Variants in CNTN6 observed in about 807,000 individuals in gnomAD.
The protein encoded by CNTN6 is contactin-6.
CNTN6 carries 137 observed loss-of-function variants against 122.8 expected under a neutral mutation model. That is an observed-to-expected ratio of 1.12 (90% CI 0.97 to 1.29). CNTN6 has a LOEUF of 1.29. CNTN6 is among the 50% of genes most tolerant of loss of function. The pLI is 0.00. For synonymous variants in CNTN6, 570 were observed against 426.0 expected, an observed-to-expected ratio of 1.34 and a Z score of -4.16; for missense variants, 1,634 against 1,223.4, an observed-to-expected ratio of 1.34 and a Z score of -5.01.
chr3:1,093,527 C>CTT (rs753856056), intron 1 of CNTN6, among the ~76,000 whole-genome samples: 2 of 132,492 alleles, frequency 1.5e-5, no homozygotes, highest in East Asian at 4.4e-4. Flanking sequence ...TGTTTTTTGT[C>CTT]TTTTTTTTTT....
At chr3:1,271,461 T>C (rs1267713428) in intron 4 of CNTN6, among the ~76,000 whole-genome samples, 1 of 152,170 alleles carries the variant, frequency 6.6e-6, no homozygotes, top group Non-Finnish European at 1.5e-5. Flanking sequence ...CATATGAATA[T>C]ATCAGTAAGG....
intron 5 of CNTN6, among the ~76,000 whole-genome samples, chr3:1,291,486 G>C (rs1262724994): frequency 6.6e-6 from 1 of 152,170 alleles, no homozygotes; most frequent in Non-Finnish European, 1.5e-5. Flanking sequence ...TGAAAGGGGT[G>C]ACATTGGATT....
chr3:1,295,451 A>G (rs1696046121), intron 5 of CNTN6, 150 bp from the exon 6 acceptor site: 7 of 617,240 alleles, frequency 1.1e-5, no homozygotes, highest in South Asian at 1.0e-4. Flanking sequence ...GAATATTACA[A>G]TTACACCAGA....
chr3:1,280,895 T>C (rs1299475828), intron 5 of CNTN6, among the ~76,000 whole-genome samples: 5 of 152,154 alleles, frequency 3.3e-5, no homozygotes, highest in African/African-American at 1.2e-4. Flanking sequence ...TCTCAACTTG[T>C]AGAGGCTGCT....
intron 4 of CNTN6, among the ~76,000 whole-genome samples, chr3:1,230,707 T>C (rs765533011): frequency 3.1e-4 from 47 of 152,322 alleles, no homozygotes; most frequent in Non-Finnish European, 5.4e-4. Context: ...TCTTAAAGTA[T>C]GTTGTTAGAG....
At chr3:1,128,596 G>A (rs2092244242) in intron 1 of CNTN6, among the ~76,000 whole-genome samples, 1 of 151,996 alleles carries the variant, frequency 6.6e-6, no homozygotes, top group African/African-American at 2.4e-5. Context: ...AGAGAAGCCT[G>A]GAGTGATGGG....
In CNTN6 at chr3:1,377,058, C is replaced by G. The variant is rs975477346; in HGVS notation, c.2149C>G (p.Leu717Val). ...TGGAGGTGGAGGAAGTCGGTCTGAA[C>G]TCGTCATTACGTGGGAGGTAATTTT... The part of the protein sequence containing the change: ...IHGGGGSRSE[L>V]VITWESIPEE... Residue 717 changes from leucine (L) to valine (V), a missense_variant, in exon 17 of 23, where the codon CTC (leucine) becomes GTC (valine). Transcript: ENST00000446702. 1 of 1,600,132 alleles carries G rather than the reference C, an allele frequency of 6.2e-7. No homozygotes were observed.
chr3:1,216,929 C>G (rs1337370864), intron 2 of CNTN6, among the ~76,000 whole-genome samples: 2 of 152,114 alleles, frequency 1.3e-5, no homozygotes, highest in Non-Finnish European at 2.9e-5. Context: ...GATGATTCAA[C>G]TTCCTGGGTT....
chr3:1,252,552 C>A (rs2094688249), intron 4 of CNTN6, among the ~76,000 whole-genome samples: 1 of 152,096 alleles, frequency 6.6e-6, no homozygotes, highest in African/African-American at 2.4e-5. Flanking sequence ...AATAATACAA[C>A]AAACACTTTA....
At chr3:1,286,887 A>C (rs961643240) in intron 5 of CNTN6, among the ~76,000 whole-genome samples, 1 of 152,204 alleles carries the variant, frequency 6.6e-6, no homozygotes, top group African/African-American at 2.4e-5. Flanking sequence ...TTTACCAAGC[A>C]AAAGGAAAGC....
chr3:1,287,663 C>T (rs1463831987), intron 5 of CNTN6, among the ~76,000 whole-genome samples: 2 of 150,824 alleles, frequency 1.3e-5, no homozygotes, highest in Non-Finnish European at 2.9e-5. Flanking sequence ...AGCCAAAACC[C>T]ACCAAAACCA....
chr3:1,384,320 G>T (rs193252459), intron 19 of CNTN6, among the ~76,000 whole-genome samples: 18 of 148,872 alleles, frequency 1.2e-4, no homozygotes, highest in Non-Finnish European at 2.2e-4. Context: ...GGTGAAGTCT[G>T]CTCCTCAATC....
intron 9 of CNTN6, 33 bp downstream of exon 9, chr3:1,325,984 T>C (rs1559830222): frequency 1.3e-6 from 2 of 1,586,862 alleles, no homozygotes; most frequent in East Asian, 4.5e-5. Context: ...AAAGTTTACC[T>C]ACTCTACTAG....
At chr3:1,345,352 G>T (rs193094501) in intron 11 of CNTN6, among the ~76,000 whole-genome samples, 1 of 152,048 alleles carries the variant, frequency 6.6e-6, no homozygotes, top group Non-Finnish European at 1.5e-5. Flanking sequence ...CTGACCTCAA[G>T]TGATTCACCC....
intron 2 of CNTN6, among the ~76,000 whole-genome samples, chr3:1,208,537 T>G (rs2093988826): frequency 6.6e-6 from 1 of 152,212 alleles, no homozygotes. Context: ...TATTTATACT[T>G]TTGGTGTAGT....
intron 1 of CNTN6, among the ~76,000 whole-genome samples, chr3:1,102,635 G>C (rs550189765): frequency 6.7e-6 from 1 of 150,324 alleles, no homozygotes; most frequent in African/African-American, 2.4e-5. Flanking sequence ...GGCTGAGGCA[G>C]GAGAATGGCG....
chr3:1,225,391 T>C (rs2094267612), intron 3 of CNTN6, among the ~76,000 whole-genome samples: 1 of 152,182 alleles, frequency 6.6e-6, no homozygotes, highest in South Asian at 2.1e-4. Context: ...GTGATCAGAA[T>C]GATTATGGGG....
chr3:1,352,109 T>C (rs762142457), intron 11 of CNTN6, among the ~76,000 whole-genome samples: 2 of 151,904 alleles, frequency 1.3e-5, no homozygotes, highest in Non-Finnish European at 2.9e-5. Context: ...GAATGATAAT[T>C]ATCAATATCG....
intron 7 of CNTN6, among the ~76,000 whole-genome samples, chr3:1,319,469 A>T (rs1559809387): frequency 6.6e-6 from 1 of 151,662 alleles, no homozygotes; most frequent in African/African-American, 2.4e-5. Context: ...ATTTGTTGTA[A>T]TATTATTACA....
Sources: gnomAD v4.1 joint callset for allele counts (sites outside exome capture counted in the v4.1 genomes callset) on GRCh38, gnomAD v4.1.1 for gene constraint, MANE v1.5 for transcripts, NCBI Gene and HGNC (gene_info 2026-07-23, HGNC 2026-07-21) for gene names.